MRPL30: variants seen among roughly 807,000 people sequenced by gnomAD.
MRPL30 encodes the protein large ribosomal subunit protein uL30m.
In MRPL30, 10 loss-of-function variants were observed where a neutral mutation model predicts 17.2. The observed-to-expected ratio is 0.58, with a 90% CI of 0.36 to 0.99. MRPL30 has a LOEUF of 0.99. Ranked by LOEUF, MRPL30 falls within the 50% of genes least tolerant of loss-of-function variation. The pLI is 0.01. For missense variants in MRPL30, 170 were observed against 189.8 expected, an observed-to-expected ratio of 0.90 and a Z score of 0.61; for synonymous variants, 61 against 62.1, an observed-to-expected ratio of 0.98 and a Z score of 0.08.
chr2:99,183,872 A>G (rs950521193), intron 1 of MRPL30, among the ~76,000 whole-genome samples: 1 of 152,168 alleles, frequency 6.6e-6, no homozygotes, highest in African/African-American at 2.4e-5. Flanking sequence ...ATTACATTTA[A>G]TGGTCATGAC....
At chr2:99,191,153 T>C (rs990528888) in intron 3 of MRPL30, among the ~76,000 whole-genome samples, 4 of 151,980 alleles carry the variant, frequency 2.6e-5, no homozygotes, top group Non-Finnish European at 4.4e-5. Context: ...ATTACAGGCA[T>C]GTGCCACCAC....
chr2:99,184,034 G>A (rs530051283), intron 1 of MRPL30, among the ~76,000 whole-genome samples: 1 of 152,228 alleles, frequency 6.6e-6, no homozygotes, highest in Non-Finnish European at 1.5e-5. Flanking sequence ...TGGGATATTT[G>A]TTCTTTCTCA....
Position 99,188,260 on chromosome 2 carries a change from A to G in MRPL30, c.132+3A>G. On this transcript the variant is annotated splice_donor_region_variant and intron_variant, in intron 3 of 5. Coordinates refer to ENST00000338148, the MANE Select transcript of MRPL30 (RefSeq NM_145212.4). Reference sequence around the variant, plus strand: ...CCAGATCAAGAATTCCAGAAAAAGTAAGAACAAAGTTTGATTTTTTTAATG... The same window carrying G: ...CCAGATCAAGAATTCCAGAAAAAGTGAGAACAAAGTTTGATTTTTTTAATG... 6.3e-7 allele frequency: 1 copy of G among 1,599,570 alleles called. No homozygotes were observed. The highest frequency in any genetic ancestry group is 8.5e-7 in the Non-Finnish European group (1 of 1,173,442).
chr2:99,193,243 T>A (rs545036662), intron 3 of MRPL30, among the ~76,000 whole-genome samples: 1 of 152,320 alleles, frequency 6.6e-6, no homozygotes, highest in Admixed American at 6.5e-5. Flanking sequence ...TCACTGATCA[T>A]TAGAGAAATG....
chr2:99,185,435 A>C (rs2093932341), intron 1 of MRPL30, among the ~76,000 whole-genome samples: 1 of 152,136 alleles, frequency 6.6e-6, no homozygotes, highest in African/African-American at 2.4e-5. Flanking sequence ...CTGGGGGAAA[A>C]ATTGTAACGC....
intron 3 of MRPL30, among the ~76,000 whole-genome samples, chr2:99,194,227 G>T (rs1326960141): frequency 6.6e-6 from 1 of 152,082 alleles, no homozygotes; most frequent in South Asian, 2.1e-4. Flanking sequence ...ATACTTAGAG[G>T]AGTGTTTCTG....
At chr2:99,188,298 T>A in intron 3 of MRPL30, 41 bp downstream of exon 3, 1 of 1,474,820 alleles carries the variant, frequency 6.8e-7, no homozygotes, top group South Asian at 1.3e-5. Context: ...AGTGTTGTTT[T>A]AAAAAATGTT....
rs752774558 is a variant in MRPL30, at chr2:99,186,189, G to T, written c.-15G>T. On this transcript the variant is annotated 5_prime_UTR_variant, in exon 2 of 6. Transcript: ENST00000338148. ...CTACTTCCCACAGCCTCTAAAGAGA[G>T]CAATCACTACACTTATGGCTGGGAT... The T allele has an allele frequency of 1.1e-5, 18 of 1,613,456 alleles. No individual in the cohort carries two copies. The highest frequency in any genetic ancestry group is 1.5e-5 in the Non-Finnish European group (18 of 1,179,458).
intron 3 of MRPL30, among the ~76,000 whole-genome samples, chr2:99,193,460 C>T (rs1280752458): frequency 2.6e-5 from 4 of 151,882 alleles, no homozygotes; most frequent in Non-Finnish European, 5.9e-5. Flanking sequence ...TTTTCTAAAT[C>T]TGCTTCCCCA....
chr2:99,184,525 A>G (rs1367913392), intron 1 of MRPL30, among the ~76,000 whole-genome samples: 3 of 152,170 alleles, frequency 2.0e-5, no homozygotes, highest in African/African-American at 7.2e-5. Context: ...CCACTTCAAC[A>G]GTGAGAATCC....
rs1401371553 is a variant in MRPL30 at position 99,196,428 on chromosome 2, G to A, written c.*723G>A. 1 of 152,238 alleles carries A rather than the reference G, an allele frequency of 6.6e-6. No individual in the cohort carries two copies. The highest frequency in any genetic ancestry group is 1.5e-5 in the Non-Finnish European group (1 of 68,182). 9.4% of individuals were successfully genotyped at this position (152,238 alleles called of 1,614,324 possible). A position where few individuals can be genotyped will look rare whatever the true frequency, so the allele number is the denominator to read the frequency against. On this transcript the variant is annotated 3_prime_UTR_variant, in exon 6 of 6. Coordinates refer to ENST00000338148, the MANE Select transcript of MRPL30 (RefSeq NM_145212.4). ...TGATCCTCCCACCTCAGCCTCCAGA[G>A]TAGCTAGGACTACAGGCAGTGTGCC...
In MRPL30 at chr2:99,195,738, T is replaced by C; in HGVS notation, c.*33T>C. 6.2e-7 allele frequency: 1 copy of C among 1,604,820 alleles called. No individual in the cohort carries two copies. The highest frequency in any genetic ancestry group is 8.5e-7 in the Non-Finnish European group (1 of 1,177,948). The stretch of plus-strand genomic sequence containing the variant: ...GCAGCTTCCGATTGGAAAATGCAAA[T>C]TGTTTTTATTTAAAGATGGTGAGAA... On this transcript the variant is annotated 3_prime_UTR_variant, in exon 6 of 6. Coordinates refer to ENST00000338148, the MANE Select transcript of MRPL30 (RefSeq NM_145212.4).
chr2:99,191,156 G>A (rs1022705479), intron 3 of MRPL30, among the ~76,000 whole-genome samples: 6 of 151,966 alleles, frequency 3.9e-5, no homozygotes, highest in Non-Finnish European at 5.9e-5. Context: ...ACAGGCATGT[G>A]CCACCACACC....
intron 3 of MRPL30, 75 bp downstream of exon 3, chr2:99,188,332 T>C: frequency 9.1e-7 from 1 of 1,099,998 alleles, no homozygotes; most frequent in Non-Finnish European, 1.3e-6. Context: ...GTTTTTGTAA[T>C]ATTGGAAGAT....
chr2:99,188,025 G>A, intron 2 of MRPL30, 152 bp from the exon 3 acceptor site: 2 of 562,114 alleles, frequency 3.6e-6, no homozygotes, highest in Non-Finnish European at 3.2e-6. Context: ...TTAGTGCTTA[G>A]ATGGGATGCG....
chr2:99,182,234 A>G (rs2093924835), intron 1 of MRPL30, among the ~76,000 whole-genome samples: 1 of 152,182 alleles, frequency 6.6e-6, no homozygotes, highest in Non-Finnish European at 1.5e-5. Flanking sequence ...TACGTGCCTA[A>G]TTATTAACAG....
intron 1 of MRPL30, among the ~76,000 whole-genome samples, chr2:99,183,584 A>AT (rs397824862): frequency 6.6e-6 from 1 of 151,582 alleles, no homozygotes; most frequent in East Asian, 1.9e-4. Flanking sequence ...AAAAAAAAAA[A>AT]TTGATTTTCA....
Position 99,198,112 on chromosome 2 carries a change from G to A in MRPL30, c.*2407G>A, listed in dbSNP as rs77907101. Among the ~76,000 whole-genome samples the A allele has an allele frequency of 2.8e-3, 433 of 152,338 alleles. 6 individuals carry two copies. Among genetic ancestry groups the A allele is most frequent in the East Asian group, 0.022 (114 of 5,186 alleles). Reference sequence around the variant, plus strand: ...TTAGAAATAAAAGTGTCTACAAGAAGAAAAGTCTTTAGTGAAAATATGGGC... The same window carrying A: ...TTAGAAATAAAAGTGTCTACAAGAAAAAAAGTCTTTAGTGAAAATATGGGC... On this transcript the variant is annotated 3_prime_UTR_variant, in exon 6 of 6. Coordinates refer to ENST00000338148, the MANE Select transcript of MRPL30 (RefSeq NM_145212.4).
intron 3 of MRPL30, among the ~76,000 whole-genome samples, chr2:99,189,397 G>T (rs925193925): frequency 3.9e-5 from 6 of 152,178 alleles, no homozygotes; most frequent in African/African-American, 1.4e-4. Context: ...CATATGGTAT[G>T]TAGCCCTTTC....
Sources: allele counts gnomAD v4.1 joint callset (sites outside exome capture counted in the v4.1 genomes callset), GRCh38; gene constraint gnomAD v4.1.1; transcripts MANE v1.5; gene names NCBI Gene and HGNC (gene_info 2026-07-23, HGNC 2026-07-21).